The following GRHL2 variants were observed in gnomAD, a reference collection of about 807,000 sequenced individuals.
GRHL2 encodes grainyhead-like protein 2 homolog.
GRHL2 carries 21 observed loss-of-function variants against 83.8 expected under a neutral mutation model. That is an observed-to-expected ratio of 0.25 (90% CI 0.18 to 0.36). The LOEUF is 0.36. GRHL2 is among the 10% of genes least tolerant of loss of function. GRHL2 has a pLI of 1.00. For missense variants in GRHL2, 623 were observed against 781.8 expected, an observed-to-expected ratio of 0.80 and a Z score of 2.42; for synonymous variants, 280 against 278.9, an observed-to-expected ratio of 1.00 and a Z score of -0.04.
intron 9 of GRHL2, among the ~76,000 whole-genome samples, chr8:101,621,185 A>T (rs997291453): frequency 1.3e-5 from 2 of 152,196 alleles, no homozygotes; most frequent in African/African-American, 2.4e-5. Flanking sequence ...GTTGAATCCC[A>T]TACAATGTTT....
At chr8:101,518,180 T>C (rs565251654) in intron 1 of GRHL2, among the ~76,000 whole-genome samples, 2 of 152,278 alleles carry the variant, frequency 1.3e-5, no homozygotes, top group African/African-American at 4.8e-5. Flanking sequence ...CTCCACCTCC[T>C]TGTGACTTTC....
intron 14 of GRHL2, among the ~76,000 whole-genome samples, chr8:101,652,360 T>TGTGTGTG (rs1813652304): frequency 2.0e-5 from 1 of 49,798 alleles, no homozygotes; most frequent in African/African-American, 1.5e-4. Flanking sequence ...GTGTGTGTGG[T>TGTGTGTG]GTGTGTGTGT....
chr8:101,617,417 G>A (rs1321336186), intron 8 of GRHL2, among the ~76,000 whole-genome samples: 1 of 152,146 alleles, frequency 6.6e-6, no homozygotes, highest in Non-Finnish European at 1.5e-5. Context: ...CAAATGAGAT[G>A]CCTGGATTGC....
At chr8:101,531,178 C>T (rs752786577) in intron 1 of GRHL2, among the ~76,000 whole-genome samples, 4 of 150,602 alleles carry the variant, frequency 2.7e-5, no homozygotes, top group Non-Finnish European at 5.9e-5. Flanking sequence ...TGCCACTGCA[C>T]TCCTCTAGCC....
intron 8 of GRHL2, among the ~76,000 whole-genome samples, chr8:101,613,093 A>C (rs933190103): frequency 2.7e-5 from 4 of 150,636 alleles, no homozygotes; most frequent in African/African-American, 1.0e-4. Flanking sequence ...AATCTGAATG[A>C]GAAGGAGCTG....
intron 1 of GRHL2, among the ~76,000 whole-genome samples, chr8:101,541,741 C>T (rs955165624): frequency 6.6e-5 from 10 of 152,042 alleles, no homozygotes; most frequent in East Asian, 1.9e-4. Flanking sequence ...ATTTGATAGC[C>T]GAGCACCCAG....
At chr8:101,586,827 T>C (rs1227650713) in intron 7 of GRHL2, among the ~76,000 whole-genome samples, 2 of 152,184 alleles carry the variant, frequency 1.3e-5, no homozygotes, top group African/African-American at 4.8e-5. Flanking sequence ...GGGGTTGGAC[T>C]CTCCTCTTTC....
At chr8:101,578,826 G>C (rs1811985481) in intron 7 of GRHL2, among the ~76,000 whole-genome samples, 1 of 152,176 alleles carries the variant, frequency 6.6e-6, no homozygotes, top group South Asian at 2.1e-4. Context: ...TGACCACACT[G>C]GCAGAGTTTA....
intron 7 of GRHL2, among the ~76,000 whole-genome samples, chr8:101,582,423 G>C (rs1812075786): frequency 6.6e-6 from 1 of 152,178 alleles, no homozygotes; most frequent in Non-Finnish European, 1.5e-5. Flanking sequence ...GGAAAGGCTT[G>C]TATTTTTTAA....
intron 2 of GRHL2, among the ~76,000 whole-genome samples, chr8:101,551,984 T>C (rs543808277): frequency 1.8e-3 from 270 of 151,746 alleles, no homozygotes; most frequent in Middle Eastern, 3.4e-3. Flanking sequence ...TACAGGTGCC[T>C]GCCACCACGC....
At chr8:101,678,398 G>A in the GRHL2 span, among the ~76,000 whole-genome samples, 136 of 152,180 alleles carry the variant, frequency 8.9e-4, 1 homozygote, top group African/African-American at 3.0e-3. Flanking sequence ...GGCGCACCAC[G>A]AGATTATATC....
chr8:101,643,772 TTGGACACCATG>T (rs1813451193), intron 12 of GRHL2, among the ~76,000 whole-genome samples: 1 of 152,246 alleles, frequency 6.6e-6, no homozygotes, highest in African/African-American at 2.4e-5. Flanking sequence ...ACGATGTGAC[TTGGACACCATG>T]TGGACACCAG....
rs371212649 is a variant in GRHL2, at chr8:101,558,730, C to A, written c.596C>A (p.Thr199Asn). 4.6e-5 allele frequency: 74 copies of A among 1,614,020 alleles called. No individual in the cohort carries two copies. Among genetic ancestry groups the A allele is most frequent in the Non-Finnish European group, 5.9e-5 (70 of 1,180,030 alleles). ...QTQYDVPSLA[T>N]HSAYLKDDQR... ...CAGTATGACGTGCCCTCGCTGGCCA[C>A]CCACAGCGCCTATCTCAAAGACGAC... The change falls in exon 4 of 16, where the codon ACC becomes AAC. Residue 199 changes from threonine (T) to asparagine (N), a missense_variant. By Grantham distance (65) the Thr-to-Asn change is moderately conservative. This residue lies in a region of GRHL2 where 239 missense variants were observed against 240.5 expected (regional missense o/e 0.99). Coordinates refer to ENST00000646743, the MANE Select transcript of GRHL2 (RefSeq NM_024915.4).
At chr8:101,664,848 C>A (rs1217313204) in intron 15 of GRHL2, among the ~76,000 whole-genome samples, 2 of 151,950 alleles carry the variant, frequency 1.3e-5, no homozygotes, top group Non-Finnish European at 2.9e-5. Flanking sequence ...TATAGGGAAT[C>A]ACGTATGGCC....
At chr8:101,656,225 C>A (rs1228021894) in intron 14 of GRHL2, among the ~76,000 whole-genome samples, 1 of 152,202 alleles carries the variant, frequency 6.6e-6, no homozygotes, top group Non-Finnish European at 1.5e-5. Context: ...GTGGTGTATT[C>A]CCAGAGCCTT....
intron 5 of GRHL2, 58 bp downstream of exon 5, chr8:101,570,452 A>G: frequency 7.4e-7 from 1 of 1,353,366 alleles, no homozygotes; most frequent in Non-Finnish European, 1.1e-6. Context: ...CTTTAAATGT[A>G]CCTTCGAGTT....
chr8:101,639,888 A>G (rs1813364794), intron 12 of GRHL2, among the ~76,000 whole-genome samples: 1 of 152,242 alleles, frequency 6.6e-6, no homozygotes. Flanking sequence ...ACATAAATTA[A>G]TGCTCACATT....
At chr8:101,540,339 C>G (rs1811126649) in intron 1 of GRHL2, among the ~76,000 whole-genome samples, 1 of 152,188 alleles carries the variant, frequency 6.6e-6, no homozygotes, top group Non-Finnish European at 1.5e-5. Context: ...CAAATACTTA[C>G]TTCTAAGGCC....
intron 1 of GRHL2, among the ~76,000 whole-genome samples, chr8:101,495,884 C>T (rs144252442): frequency 2.0e-5 from 3 of 152,260 alleles, no homozygotes; most frequent in Non-Finnish European, 2.9e-5. Flanking sequence ...CGCGGCGGCT[C>T]ACACCTGTAA....
Sources: allele counts gnomAD v4.1 joint callset (sites outside exome capture counted in the v4.1 genomes callset), GRCh38; gene constraint gnomAD v4.1.1; regional missense constraint gnomAD v4.1.1; transcripts MANE v1.5; gene names NCBI Gene and HGNC (gene_info 2026-07-23, HGNC 2026-07-21).